Variants in CDH8 observed in about 807,000 individuals in gnomAD.
CDH8 encodes the protein cadherin 8, also known as cadherin-8.
In CDH8, 17 loss-of-function variants were observed where a neutral mutation model predicts 68.1. The ratio of observed to expected loss-of-function variants is 0.25; its 90% CI spans 0.17 to 0.37. CDH8 has a LOEUF of 0.37. Among genes scored for constraint, CDH8 ranks in the 10% least tolerant of loss-of-function variants. The pLI is 1.00. For missense variants in CDH8, 763 were observed against 999.3 expected (o/e 0.76, Z 3.19); for synonymous variants, 372 against 365.1 (o/e 1.02, Z -0.21).
intron 3 of CDH8, among the ~76,000 whole-genome samples, chr16:61,872,160 G>T (rs1963382380): frequency 6.6e-6 from 1 of 152,158 alleles, no homozygotes; most frequent in African/African-American, 2.4e-5. Flanking sequence ...AGGCAAAGAT[G>T]TTTACATCCT....
intron 3 of CDH8, among the ~76,000 whole-genome samples, chr16:61,884,090 T>C (rs1251732340): frequency 6.6e-6 from 1 of 152,178 alleles, no homozygotes; most frequent in Admixed American, 6.5e-5. Flanking sequence ...AACTAAGAGA[T>C]AATGTTGGTC....
At chr16:61,945,308 T>C (rs189924595) in intron 2 of CDH8, among the ~76,000 whole-genome samples, 13 of 152,194 alleles carry the variant, frequency 8.5e-5, no homozygotes, top group African/African-American at 3.1e-4. Flanking sequence ...ATCGGAATGA[T>C]CACAAAGTCA....
intron 2 of CDH8, among the ~76,000 whole-genome samples, chr16:61,925,845 AGTCT>A (rs1477928512): frequency 1.3e-5 from 2 of 152,220 alleles, no homozygotes; most frequent in Non-Finnish European, 2.9e-5. Context: ...AGCAAAACAG[AGTCT>A]CTAACATTAT....
At chr16:61,733,501 A>T (rs1011483442) in intron 8 of CDH8, among the ~76,000 whole-genome samples, 1 of 152,004 alleles carries the variant, frequency 6.6e-6, no homozygotes, top group Admixed American at 6.6e-5. Flanking sequence ...CTTCATCAAA[A>T]TTAAAAATAT....
At chr16:61,991,655 G>A (rs991929699) in intron 2 of CDH8, among the ~76,000 whole-genome samples, 2 of 152,188 alleles carry the variant, frequency 1.3e-5, no homozygotes, top group Non-Finnish European at 2.9e-5. Flanking sequence ...TCATGCTCAA[G>A]CCGGTGTGCC....
intron 10 of CDH8, among the ~76,000 whole-genome samples, chr16:61,682,069 G>C (rs1323676502): frequency 6.6e-6 from 1 of 151,810 alleles, no homozygotes; most frequent in Non-Finnish European, 1.5e-5. Flanking sequence ...AGTAGATCCT[G>C]CTGTTCAACT....
intron 10 of CDH8, among the ~76,000 whole-genome samples, chr16:61,708,132 GATT>G (rs578075914): frequency 4.6e-5 from 7 of 151,894 alleles, no homozygotes; most frequent in Admixed American, 3.9e-4. Flanking sequence ...TTTGTTTTTT[GATT>G]ATTATTATTA....
chr16:61,859,219 C>G (rs1963106016), intron 3 of CDH8, among the ~76,000 whole-genome samples: 1 of 152,136 alleles, frequency 6.6e-6, no homozygotes, highest in Non-Finnish European at 1.5e-5. Context: ...AGTAACTCAT[C>G]AACTAGCTAG....
intron 3 of CDH8, among the ~76,000 whole-genome samples, chr16:61,885,504 G>A (rs1257197685): frequency 1.3e-5 from 2 of 152,104 alleles, no homozygotes; most frequent in East Asian, 3.9e-4. Context: ...CCCAAAAAAG[G>A]CTTTCACAAG....
At chr16:61,965,940 T>C (rs957550964) in intron 2 of CDH8, among the ~76,000 whole-genome samples, 1 of 152,182 alleles carries the variant, frequency 6.6e-6, no homozygotes, top group African/African-American at 2.4e-5. Flanking sequence ...TGACAACTAA[T>C]TGTTCTGGTA....
chr16:61,900,665 T>C (rs1963953388), intron 3 of CDH8, among the ~76,000 whole-genome samples: 1 of 152,174 alleles, frequency 6.6e-6, no homozygotes, highest in African/African-American at 2.4e-5. Flanking sequence ...GTTGTTAAGA[T>C]GGACACAAAT....
intron 2 of CDH8, among the ~76,000 whole-genome samples, chr16:61,922,345 G>A (rs1245084640): frequency 1.3e-5 from 2 of 151,986 alleles, no homozygotes; most frequent in Admixed American, 6.6e-5. Flanking sequence ...TATTATATGA[G>A]GAATTCGCGT....
At chr16:61,787,977 T>C (rs1437542356) in intron 8 of CDH8, among the ~76,000 whole-genome samples, 5 of 146,146 alleles carry the variant, frequency 3.4e-5, no homozygotes, top group African/African-American at 1.0e-4. Flanking sequence ...TTGGAAGATA[T>C]ACCTAATGCT....
At chr16:61,790,954 C>T (rs1961363792) in intron 7 of CDH8, among the ~76,000 whole-genome samples, 2 of 151,600 alleles carry the variant, frequency 1.3e-5, no homozygotes, top group South Asian at 2.1e-4. Flanking sequence ...ATCATTTATA[C>T]TAGATTCAAA....
Position 61,675,570 on chromosome 16 carries a change from G to A in CDH8, c.1655-19849C>T, listed in dbSNP as rs1963887448. Among the ~76,000 whole-genome samples, 3 of 145,890 alleles carry A rather than the reference G, an allele frequency of 2.1e-5. No homozygotes were observed. The Admixed American group carries it at 2.1e-4, about 10-fold the overall frequency. On this transcript the variant is annotated intron_variant, in intron 10 of 11. Coordinates refer to ENST00000577390, the MANE Select transcript of CDH8 (RefSeq NM_001796.5). ...CATATGTAACTAACCTGCACAATGT[G>A]CACATGTACCCTAAAACTTAAAGTA...
intron 8 of CDH8, among the ~76,000 whole-genome samples, chr16:61,731,470 C>G (rs1015331117): frequency 1.3e-5 from 2 of 151,702 alleles, no homozygotes; most frequent in African/African-American, 4.8e-5. Context: ...TGGATGTGGT[C>G]AGGGACAGAG....
At position 61,901,295 on chromosome 16, in the gene CDH8, C is replaced by G. The variant is rs1183447592; in HGVS notation, c.431G>C (p.Ser144Thr). The G allele has an allele frequency of 1.2e-6, 2 of 1,614,002 alleles. No individual in the cohort carries two copies. Among genetic ancestry groups the G allele is most frequent in the South Asian group, 2.2e-5 (2 of 91,068 alleles). The change falls in exon 3 of 12, where the codon AGC (serine) becomes ACC (threonine). Residue 144 changes from serine to threonine, a missense_variant. Ser to Thr is a moderately conservative substitution (Grantham distance 58, BLOSUM62 1). Coordinates refer to ENST00000577390, the MANE Select transcript of CDH8 (RefSeq NM_001796.5). ...TTCAGAAGGAGGCTCCAGAGGTTTG[C>G]TTGTCTCCCAGTCCACTGCTTGAGC... ...LTAQAVDWET[S>T]KPLEPPSEFI...
intron 8 of CDH8, among the ~76,000 whole-genome samples, chr16:61,759,988 G>A (rs190755251): frequency 1.3e-5 from 2 of 152,094 alleles, no homozygotes; most frequent in Admixed American, 6.5e-5. Context: ...CCAATACCAT[G>A]AAACATGGAC....
intron 10 of CDH8, among the ~76,000 whole-genome samples, chr16:61,672,208 C>G (rs931165571): frequency 6.6e-6 from 1 of 152,006 alleles, no homozygotes; most frequent in African/African-American, 2.4e-5. Context: ...ATTCTTCACA[C>G]TTTAGAATCA....
Sources: gnomAD v4.1 joint callset for allele counts (sites outside exome capture counted in the v4.1 genomes callset) on GRCh38, gnomAD v4.1.1 for gene constraint, MANE v1.5 for transcripts, NCBI Gene and HGNC (gene_info 2026-07-23, HGNC 2026-07-21) for gene names.